The following PHLPP1 variants were observed in gnomAD, a reference collection of about 807,000 sequenced individuals.
The protein encoded by PHLPP1 is PH domain leucine-rich repeat-containing protein phosphatase 1.
Under a neutral mutation model 117.2 loss-of-function variants are expected in PHLPP1, and 42 were observed. The observed-to-expected ratio is 0.36, with a 90% CI of 0.28 to 0.46. The LOEUF (loss-of-function observed/expected upper bound fraction) is 0.46, where lower values mean the gene tolerates loss of function less well. Ranked by LOEUF, PHLPP1 falls within the 20% of genes least tolerant of loss-of-function variation. The probability of loss-of-function intolerance (pLI) is 1.00; values close to 1 mark genes in which losing one functional copy is unlikely to be tolerated. For missense variants in PHLPP1, 2,084 were observed against 2,241.9 expected, an observed-to-expected ratio of 0.93 and a Z score of 1.42; for synonymous variants, 1,042 against 970.7, an observed-to-expected ratio of 1.07 and a Z score of -1.37.
chr18:62,745,237 G>A (rs892523257), intron 1 of PHLPP1, among the ~76,000 whole-genome samples: 9 of 152,304 alleles, frequency 5.9e-5, no homozygotes, highest in East Asian at 1.9e-4. Context: ...AAAAGTGTGG[G>A]TGGGGTCAGG....
intron 1 of PHLPP1, among the ~76,000 whole-genome samples, chr18:62,766,394 G>T (rs891278393): frequency 6.6e-6 from 1 of 151,868 alleles, no homozygotes; most frequent in Admixed American, 6.6e-5. Flanking sequence ...CCCTAGGGGA[G>T]GAGAAGTGAC....
intron 1 of PHLPP1, among the ~76,000 whole-genome samples, chr18:62,755,395 G>C (rs537186419): frequency 9.2e-5 from 14 of 152,210 alleles, no homozygotes; most frequent in Admixed American, 5.2e-4. Context: ...AGTTTAGATA[G>C]TGCCGTGGTG....
chr18:62,940,270 AT>A lies in PHLPP1; in HGVS notation c.2961-1435del, dbSNP rs552036070. On this transcript the variant is annotated intron_variant, in intron 10 of 16. Transcript: ENST00000262719. ...CTACATTTCACAATCACCGTGGAGG[AT>A]TTTTTTTTTTTTGGGCAATTTTACT... is the stretch of plus-strand genomic sequence containing the variant. 4.4e-3 allele frequency among the ~76,000 whole-genome samples: 457 copies of A among 103,136 alleles called. 1 individual carries two copies. Among genetic ancestry groups the A allele is most frequent in the East Asian group, 0.032 (105 of 3,262 alleles). The allele number at this position is 103,136 out of a possible 152,430, so 67.7% of individuals were successfully genotyped here.
rs776125957 is a variant in PHLPP1, at chr18:62,717,081, C to G, written c.1398C>G (p.Pro466=). The G allele has an allele frequency of 6.5e-7, 1 of 1,547,822 alleles. No homozygotes were observed. The highest frequency in any genetic ancestry group is 2.0e-5 in the Admixed American group (1 of 51,030). Residue 466 remains proline, a synonymous_variant, in exon 1 of 17, where the codon CCC becomes CCG. Transcript: ENST00000262719. ...CCGCGGAGAAGGCGCCTCCGCCGCC[C>G]CCGCCGCCCACCCTGTACGTGCAGC... ...GVTAEKAPPP[P]PPPTLYVQLH... is the part of the protein sequence containing the mutation.
chr18:62,816,824 A>G (rs1017956160), intron 1 of PHLPP1, among the ~76,000 whole-genome samples: 1 of 152,154 alleles, frequency 6.6e-6, no homozygotes, highest in Non-Finnish European at 1.5e-5. Context: ...TAAAATTATT[A>G]TATTAAATAA....
chr18:62,812,404 C>G (rs1914151737), intron 1 of PHLPP1, among the ~76,000 whole-genome samples: 1 of 152,202 alleles, frequency 6.6e-6, no homozygotes, highest in Non-Finnish European at 1.5e-5. Context: ...TCCACACACA[C>G]AGCAGTGTGC....
At chr18:62,744,591 A>G (rs1911623695) in intron 1 of PHLPP1, among the ~76,000 whole-genome samples, 1 of 152,186 alleles carries the variant, frequency 6.6e-6, no homozygotes, top group Non-Finnish European at 1.5e-5. Context: ...GGCTTGGTGT[A>G]TAGTAGGTGC....
At chr18:62,894,975 CTCT>C (rs1916514124) in intron 4 of PHLPP1, 33 bp from the exon 5 acceptor site, 1 of 1,510,482 alleles carries the variant, frequency 6.6e-7, no homozygotes, top group Non-Finnish European at 9.0e-7. Flanking sequence ...TGACATTTGT[CTCT>C]TTTTTCCCTT....
In PHLPP1 at chr18:62,716,984, C is replaced by T. The variant is rs1329170353; in HGVS notation, c.1301C>T (p.Ser434Leu). 2.6e-6 allele frequency: 4 copies of T among 1,541,804 alleles called. No individual in the cohort carries two copies. Among genetic ancestry groups the T allele is most frequent in the Admixed American group, 2.0e-5 (1 of 50,892 alleles). Residue 434 changes from serine to leucine, a missense_variant, in exon 1 of 17, where the codon TCG becomes TTG. Ser to Leu is a moderately radical substitution (Grantham distance 145). Transcript: ENST00000262719. The surrounding 1 kb of genome is among the most constrained non-coding windows in gnomAD (Gnocchi z 5.7). ...DSPGGAVREG[S>L]CEEKAAAAVA... The stretch of plus-strand genomic sequence containing the variant: ...CCGGGCGGGGCCGTCCGCGAGGGGT[C>T]GTGCGAGGAGAAGGCAGCGGCAGCC...
At chr18:62,723,609 T>C (rs1910985069) in intron 1 of PHLPP1, among the ~76,000 whole-genome samples, 2 of 152,182 alleles carry the variant, frequency 1.3e-5, no homozygotes, top group Admixed American at 1.3e-4. Context: ...TGTTAGAGTG[T>C]TTGGGCTTTC....
intron 8 of PHLPP1, among the ~76,000 whole-genome samples, chr18:62,913,082 G>T (rs1917002911): frequency 6.6e-6 from 1 of 152,224 alleles, no homozygotes; most frequent in African/African-American, 2.4e-5. Flanking sequence ...TCATCTTCCT[G>T]TGGCCACTCT....
intron 1 of PHLPP1, among the ~76,000 whole-genome samples, chr18:62,746,009 A>G (rs1599023060): frequency 1.3e-5 from 2 of 152,240 alleles, no homozygotes; most frequent in East Asian, 3.9e-4. Context: ...CATGCCTAAT[A>G]TATGTTATAT....
chr18:62,901,951 G>A (rs569263458), intron 6 of PHLPP1, among the ~76,000 whole-genome samples: 1 of 152,284 alleles, frequency 6.6e-6, no homozygotes, highest in Admixed American at 6.5e-5. Context: ...TTCTAAACAA[G>A]TGCATCATCT....
chr18:62,912,367 A>G (rs1404714967), intron 8 of PHLPP1, among the ~76,000 whole-genome samples: 3 of 149,812 alleles, frequency 2.0e-5, no homozygotes. Flanking sequence ...ATTTTTTTTT[A>G]TTATAAATAT....
At chr18:62,779,409 A>C (rs1425208614) in intron 1 of PHLPP1, 1 of 152,158 alleles carries the variant, frequency 6.6e-6, no homozygotes, top group Non-Finnish European at 1.5e-5. Flanking sequence ...AGTAATCCTC[A>C]GGAGAGTGGT....
rs557207784 is a variant in PHLPP1 at position 62,965,134 on chromosome 18, C to A, written c.3560+1662C>A. ...CCCAGTAGTCCCAGGCTATGCTTGG[C>A]CCTCCCTTTATATTTTCCCTTGCTT... On this transcript the variant is annotated intron_variant, in intron 14 of 16. Coordinates refer to ENST00000262719, the MANE Select transcript of PHLPP1 (RefSeq NM_194449.4). 2.6e-5 allele frequency among the ~76,000 whole-genome samples: 4 copies of A among 152,228 alleles called. No homozygotes were observed. The South Asian group carries it at 8.3e-4, about 32-fold the overall frequency.
chr18:62,803,289 G>C (rs1913839348), intron 1 of PHLPP1, among the ~76,000 whole-genome samples: 1 of 152,028 alleles, frequency 6.6e-6, no homozygotes, highest in African/African-American at 2.4e-5. Flanking sequence ...ATTCAGAAAG[G>C]TATGCAAGTC....
intron 4 of PHLPP1, among the ~76,000 whole-genome samples, chr18:62,887,391 G>C (rs1294528428): frequency 6.6e-6 from 1 of 152,150 alleles, no homozygotes; most frequent in Non-Finnish European, 1.5e-5. Flanking sequence ...CACTGCTTTA[G>C]TGCTTTAGTC....
At chr18:62,892,240 C>G (rs2144395719) in intron 4 of PHLPP1, among the ~76,000 whole-genome samples, 1 of 151,808 alleles carries the variant, frequency 6.6e-6, no homozygotes, top group South Asian at 2.1e-4. Context: ...AGGTGCACAC[C>G]ACCACGCCCA....
Sources: gnomAD v4.1 joint callset for allele counts (sites outside exome capture counted in the v4.1 genomes callset) on GRCh38, gnomAD v4.1.1 for gene constraint, Gnocchi (gnomAD v3.1) non-coding constraint, MANE v1.5 for transcripts, NCBI Gene and HGNC (gene_info 2026-07-23, HGNC 2026-07-21) for gene names.